HERC2: variants seen among roughly 807,000 people sequenced by gnomAD.
HERC2 encodes E3 ubiquitin-protein ligase HERC2.
Under a neutral mutation model 537.7 loss-of-function variants are expected in HERC2, and 102 were observed. That is an observed-to-expected ratio of 0.19 (90% confidence interval 0.16 to 0.22). The LOEUF (loss-of-function observed/expected upper bound fraction) is 0.22, where lower values mean the gene tolerates loss of function less well. Among genes scored for constraint, HERC2 ranks in the 10% least tolerant of loss-of-function variants. The probability of loss-of-function intolerance (pLI) is 1.00; values close to 1 mark genes in which losing one functional copy is unlikely to be tolerated. For synonymous variants in HERC2, 2,224 were observed against 2,466.2 expected (o/e 0.90, Z 2.91); for missense variants, 4,236 against 6,198.2 (o/e 0.68, Z 10.63).
Position 28,196,284 on chromosome 15 carries a change from A to G in HERC2, c.8191T>C (p.Phe2731Leu). 6.8e-7 allele frequency: 1 copy of G among 1,467,278 alleles called. No homozygotes were observed. The highest frequency in any genetic ancestry group is 9.4e-7 in the Non-Finnish European group (1 of 1,059,190). 90.9% of individuals were successfully genotyped at this position (1,467,278 alleles called of 1,614,324 possible). A position where few individuals can be genotyped will look rare whatever the true frequency, so the allele number is the denominator to read the frequency against. The change falls in exon 52 of 93, where the codon TTT (phenylalanine) becomes CTT (leucine). Residue 2731 changes from phenylalanine (F) to leucine (L), a missense_variant. This residue lies in a region of HERC2 where 606 missense variants were observed against 884.5 expected (regional missense o/e 0.69). Transcript: ENST00000261609. Reference protein sequence around the residue: ...FKCRNCDDFDFCETCFKTKKH... With the variant: ...FKCRNCDDFDLCETCFKTKKH... ...TTGGTCTTGAAACACGTTTCACAAAAATCAAAGTCATCACAGTTTCTGCAT... is the reference window on the plus strand; with the variant it reads ...TTGGTCTTGAAACACGTTTCACAAAGATCAAAGTCATCACAGTTTCTGCAT...
chr15:28,182,293 G>T, intron 57 of HERC2, 108 bp downstream of exon 57: 1 of 646,294 alleles, frequency 1.5e-6, no homozygotes, highest in Non-Finnish European at 2.7e-6. Context: ...TTTAGTTCGT[G>T]TAAAGAAACA....
Position 28,274,975 on chromosome 15 carries a change from C to T in HERC2, c.573G>A (p.Gly191=). ...CCGCTCGGGATCCCACTCTGGCGAG[C>T]CCCTCCACACCTTTGCCCGCAGGCC... ...SSRPAGKGVE[G]LARVGSRAAL... is the part of the protein sequence containing the mutation. The change falls in exon 6 of 93, where the codon GGG becomes GGA. Residue 191 remains glycine (G), a synonymous_variant. Coordinates refer to ENST00000261609, the MANE Select transcript of HERC2 (RefSeq NM_004667.6). 1 of 1,608,480 alleles carries T rather than the reference C, an allele frequency of 6.2e-7. No homozygotes were observed. Among genetic ancestry groups the T allele is most frequent in the African/African-American group, 1.3e-5 (1 of 75,066 alleles).
At chr15:28,243,935 T>C (rs1335135828) in intron 23 of HERC2, among the ~76,000 whole-genome samples, 1 of 152,094 alleles carries the variant, frequency 6.6e-6, no homozygotes. Flanking sequence ...ATGCCTCTTA[T>C]GTCAGCACTG....
At chr15:28,210,893 G>A (rs1899134665) in intron 44 of HERC2, 109 bp downstream of exon 44, 2 of 1,075,368 alleles carry the variant, frequency 1.9e-6, no homozygotes, top group Non-Finnish European at 1.4e-6. Flanking sequence ...TGTCTGTCTT[G>A]TACATTTATA....
chr15:28,138,769 C>T (rs1299164357), intron 78 of HERC2, among the ~76,000 whole-genome samples: 3 of 152,168 alleles, frequency 2.0e-5, no homozygotes, highest in Non-Finnish European at 4.4e-5. Flanking sequence ...TTAAGAAATA[C>T]ATTTCATAAG....
intron 69 of HERC2, among the ~76,000 whole-genome samples, chr15:28,154,224 ATAGAT>A (rs1199768888): frequency 6.6e-6 from 1 of 152,242 alleles, no homozygotes; most frequent in African/African-American, 2.4e-5. Flanking sequence ...CTTTTTAGAA[ATAGAT>A]TATTCTTTTT....
chr15:28,249,285 T>C (rs544913552), intron 20 of HERC2, among the ~76,000 whole-genome samples: 10 of 152,250 alleles, frequency 6.6e-5, no homozygotes, highest in African/African-American at 2.4e-4. Context: ...GGGTGGGCCA[T>C]GCAGCAGGTG....
At chr15:28,277,408 A>G (rs1056219684) in intron 5 of HERC2, among the ~76,000 whole-genome samples, 13 of 151,974 alleles carry the variant, frequency 8.6e-5, no homozygotes, top group Admixed American at 8.5e-4. Context: ...CGGGACGAAC[A>G]GTACAAGGAA....
At chr15:28,306,663 T>A (rs1009200398) in intron 2 of HERC2, among the ~76,000 whole-genome samples, 3 of 152,248 alleles carry the variant, frequency 2.0e-5, no homozygotes, top group African/African-American at 7.2e-5. Flanking sequence ...CTTCTTTAAA[T>A]GTTTGGTAAA....
chr15:28,272,026 T>C (rs796451674), intron 9 of HERC2, 189 bp downstream of exon 9: 2 of 584,676 alleles, frequency 3.4e-6, no homozygotes, highest in Non-Finnish European at 6.0e-6. Flanking sequence ...AGGAAGTCAG[T>C]GCTCACTGAT....
intron 83 of HERC2, 50 bp from the exon 84 acceptor site, chr15:28,125,243 CG>C (rs770063195): frequency 1.4e-6 from 2 of 1,466,456 alleles, no homozygotes; most frequent in Non-Finnish European, 1.9e-6. Context: ...GGCCAACAAA[CG>C]CATGGCTGCC....
Position 28,265,522 on chromosome 15 carries a change from G to T in HERC2, c.1870+96C>A. The T allele has an allele frequency of 2.1e-6, 2 of 966,218 alleles. No individual in the cohort carries two copies. The highest frequency in any genetic ancestry group is 3.2e-6 in the Non-Finnish European group (2 of 620,126). The allele number at this position is 966,218 out of a possible 1,614,324, so 59.9% of individuals were successfully genotyped here. ...CACCCACTGGGCGACAGGGTGGGTG[G>T]CCTCGTGAGGCCCACTGTACTCATC... is the stretch of plus-strand genomic sequence containing the variant. On this transcript the variant is annotated intron_variant, in intron 14 of 92. Coordinates refer to ENST00000261609, the MANE Select transcript of HERC2 (RefSeq NM_004667.6). This position sits in a 1 kb window ranked among gnomAD's most constrained non-coding sequence, Gnocchi z 4.0.
chr15:28,197,740 A>G (rs895951793), intron 50 of HERC2, among the ~76,000 whole-genome samples: 1 of 152,112 alleles, frequency 6.6e-6, no homozygotes, highest in Non-Finnish European at 1.5e-5. Flanking sequence ...AGGGGAGGAG[A>G]AAGAAAAAGC....
At chr15:28,114,370 G>A (rs928053633) in intron 90 of HERC2, among the ~76,000 whole-genome samples, 7 of 152,224 alleles carry the variant, frequency 4.6e-5, no homozygotes, top group African/African-American at 1.2e-4. Flanking sequence ...CTCTCCAGGT[G>A]CAGTGACCCA....
rs71132838 is a variant in HERC2, at chr15:28,206,832, C to CAA, written c.7070-452_7070-451dup. On this transcript the variant is annotated intron_variant, in intron 44 of 92. Coordinates refer to ENST00000261609, the MANE Select transcript of HERC2 (RefSeq NM_004667.6). ...TGGGCGACAGACCAAGACTCGGTCT[C>CAA]AAAAAAAAAAAAAAAAAAAAAAAAA... Among the ~76,000 whole-genome samples the CAA allele has an allele frequency of 2.3e-3, 119 of 51,446 alleles. 3 individuals carry two copies. The highest frequency in any genetic ancestry group is 7.3e-3 in the African/African-American group (106 of 14,484). The allele number at this position is 51,446 out of a possible 152,430, so 33.8% of individuals were successfully genotyped here.
Position 28,306,343 on chromosome 15 carries a change from C to G in HERC2, c.73-6827G>C, listed in dbSNP as rs562493920. Among the ~76,000 whole-genome samples the G allele has an allele frequency of 3.4e-3, 519 of 152,204 alleles. 2 individuals are homozygous for G. The highest frequency in any genetic ancestry group is 0.012 in the African/African-American group (509 of 41,538). ...TTAAATGATCATATGGTTTTTTATCCTTCATTCTATTGATATGATGTATCA... is the reference window on the plus strand; with the variant it reads ...TTAAATGATCATATGGTTTTTTATCGTTCATTCTATTGATATGATGTATCA... On this transcript the variant is annotated intron_variant, in intron 2 of 92. Coordinates refer to ENST00000261609, the MANE Select transcript of HERC2 (RefSeq NM_004667.6).
Position 28,262,958 on chromosome 15 carries a change from C to T in HERC2, c.2082G>A (p.Glu694=), listed in dbSNP as rs140828208. 1.9e-6 allele frequency: 3 copies of T among 1,614,040 alleles called. No homozygotes were observed. The highest frequency in any genetic ancestry group is 2.7e-5 in the African/African-American group (2 of 74,914). Residue 694 remains glutamate (E), a synonymous_variant, in exon 15 of 93, where the codon GAG becomes GAA. Coordinates refer to ENST00000261609, the MANE Select transcript of HERC2 (RefSeq NM_004667.6). ...GDNQRLGHGT[E]EHVRYPKLLE... The stretch of plus-strand genomic sequence containing the variant: ...AGAGTTTTGGATAACGAACATGTTC[C>T]TCTGTTCCATGTCCAAGTCTCTGGT...
At chr15:28,267,936 G>C (rs2075614094) in intron 12 of HERC2, among the ~76,000 whole-genome samples, 1 of 152,148 alleles carries the variant, frequency 6.6e-6, no homozygotes, top group South Asian at 2.1e-4. Flanking sequence ...AGTACAAGAG[G>C]GTTCCCATCA....
chr15:28,247,014 C>A (rs1431779928), intron 21 of HERC2, 117 bp from the exon 22 acceptor site: 11 of 873,036 alleles, frequency 1.3e-5, no homozygotes, highest in Admixed American at 1.1e-4. Context: ...ATAATTTTCT[C>A]AAACAGAAGC....
Sources: gnomAD v4.1 joint callset for allele counts (sites outside exome capture counted in the v4.1 genomes callset) on GRCh38, gnomAD v4.1.1 for gene constraint, gnomAD v4.1.1 regional missense constraint, Gnocchi (gnomAD v3.1) non-coding constraint, MANE v1.5 for transcripts, NCBI Gene and HGNC (gene_info 2026-07-23, HGNC 2026-07-21) for gene names.